Variants in PFKM observed in about 807,000 individuals in gnomAD.
The protein encoded by PFKM is phosphofructokinase, muscle, also known as ATP-dependent 6-phosphofructokinase, muscle type.
PFKM carries 58 observed loss-of-function variants against 95.5 expected under a neutral mutation model. The ratio of observed to expected loss-of-function variants is 0.61; its 90% CI spans 0.49 to 0.76. PFKM has a LOEUF of 0.76. PFKM is among the 30% of genes least tolerant of loss of function. The pLI is 0.00. For missense variants in PFKM, 678 were observed against 1,005.4 expected (o/e 0.67, Z 4.40); for synonymous variants, 336 against 357.2 (o/e 0.94, Z 0.67).
chr12:48,134,222 T>C lies in PFKM; in HGVS notation c.594-10T>C, dbSNP rs1250322573. 6.2e-7 allele frequency: 1 copy of C among 1,613,016 alleles called. No individual in the cohort carries two copies. The highest frequency in any genetic ancestry group is 1.3e-5 in the African/African-American group (1 of 74,894). ...TCACTTGGACTGTGTCATATGTCTA[T>C]CTCTTGCAGCCACCAGAGGACATTT... On this transcript the variant is annotated splice_polypyrimidine_tract_variant and intron_variant, in intron 6 of 22. Coordinates refer to ENST00000359794, the MANE Select transcript of PFKM (RefSeq NM_000289.6).
intron 7 of PFKM, 136 bp from the exon 8 acceptor site, chr12:48,134,585 T>A: frequency 1.3e-6 from 1 of 768,684 alleles, no homozygotes; most frequent in Admixed American, 2.0e-5. Context: ...CCGGTGCTCT[T>A]ACCCTTGCCC....
At chr12:48,141,138 T>G (rs529920097) in intron 14 of PFKM, among the ~76,000 whole-genome samples, 173 bp from the exon 15 acceptor site, 1 of 152,334 alleles carries the variant, frequency 6.6e-6, no homozygotes, top group South Asian at 2.1e-4. Flanking sequence ...TATTTGTGAA[T>G]GAGCAGTAAG....
intron 1 of PFKM, among the ~76,000 whole-genome samples, chr12:48,121,819 G>A (rs1948312425): frequency 6.6e-6 from 1 of 152,096 alleles, no homozygotes; most frequent in African/African-American, 2.4e-5. Flanking sequence ...AGAATAATAG[G>A]ATTTAGTTAC....
chr12:48,122,783 T>C lies in PFKM; in HGVS notation c.9T>C (p.His3=). 6.2e-7 allele frequency: 1 copy of C among 1,614,098 alleles called. No individual in the cohort carries two copies. Among genetic ancestry groups the C allele is most frequent in the Non-Finnish European group, 8.5e-7 (1 of 1,179,942 alleles). Residue 3 remains histidine, a synonymous_variant, in exon 2 of 23, where the codon CAT becomes CAC. Coordinates refer to ENST00000359794, the MANE Select transcript of PFKM (RefSeq NM_000289.6). Reference sequence around the variant, plus strand: ...AAATTCTAGAGTGGATCATGACCCATGAAGAGCACCATGCAGCCAAAACCC... The same window carrying C: ...AAATTCTAGAGTGGATCATGACCCACGAAGAGCACCATGCAGCCAAAACCC... MT[H]EEHHAAKTLG...
At chr12:48,140,054 C>T (rs560580997) in intron 13 of PFKM, 142 bp downstream of exon 13, 181 of 662,778 alleles carry the variant, frequency 2.7e-4, no homozygotes, top group African/African-American at 2.5e-3. Flanking sequence ...GTCCCTGGCC[C>T]TATTATAATG....
In PFKM at chr12:48,145,906, GA is replaced by G. The variant is rs1372582541; in HGVS notation, c.*199del. 1 of 600,584 alleles carries G rather than the reference GA, an allele frequency of 1.7e-6. No homozygotes were observed. Among genetic ancestry groups the G allele is most frequent in the Non-Finnish European group, 3.0e-6 (1 of 337,634 alleles). 37.2% of individuals were successfully genotyped at this position (600,584 alleles called of 1,614,324 possible). ...GCTCCTTTTAGGTAGAATTTAACAT[GA>G]CTTCTGCCCCAGCTTTATCTGTCAC... On this transcript the variant is annotated 3_prime_UTR_variant, in exon 23 of 23. Coordinates refer to ENST00000359794, the MANE Select transcript of PFKM (RefSeq NM_000289.6). This position sits in a 1 kb window ranked among gnomAD's most constrained non-coding sequence, Gnocchi z 4.3.
intron 2 of PFKM, among the ~76,000 whole-genome samples, chr12:48,125,076 C>T (rs1390081469): frequency 6.6e-6 from 1 of 152,100 alleles, no homozygotes; most frequent in African/African-American, 2.4e-5. Flanking sequence ...GAAAAATGGC[C>T]AGGAATCAGA....
chr12:48,121,533 CTT>C (rs1948267431), intron 1 of PFKM, among the ~76,000 whole-genome samples: 4 of 152,060 alleles, frequency 2.6e-5, no homozygotes, highest in Admixed American at 2.6e-4. Context: ...GTTTATGTGA[CTT>C]ATGTCTCTAT....
upstream of PFKM, among the ~76,000 whole-genome samples, chr12:48,114,780 A>T (rs1192504194): frequency 6.6e-6 from 1 of 152,202 alleles, no homozygotes; most frequent in Non-Finnish European, 1.5e-5. Flanking sequence ...AACAAAAATT[A>T]TCTAGGTCTC....
At chr12:48,114,933 G>C (rs773732947), upstream of PFKM, among the ~76,000 whole-genome samples, 4 of 152,190 alleles carry the variant, frequency 2.6e-5, no homozygotes, top group Non-Finnish European at 5.9e-5. Context: ...TTAAGTTCTT[G>C]AGAACACAGG....
rs748619372 is a variant in PFKM, at chr12:48,141,938, A to T, written c.1525A>T (p.Met509Leu). 6.2e-7 allele frequency: 1 copy of T among 1,613,886 alleles called. No homozygotes were observed. The highest frequency in any genetic ancestry group is 1.7e-5 in the Admixed American group (1 of 59,988). ...GGCTTACACAGGGGGCCTGGAACTG[A>T]TGGAGGGCAGGAAGCAGTTTGATGA... Reference protein sequence around the residue: ...FEAYTGGLELMEGRKQFDELC... With the variant: ...FEAYTGGLELLEGRKQFDELC... Residue 509 changes from methionine to leucine, a missense_variant, in exon 17 of 23, where the codon ATG becomes TTG. Transcript: ENST00000359794.
chr12:48,120,451 G>A (rs1056029911), intron 1 of PFKM, among the ~76,000 whole-genome samples: 10 of 152,148 alleles, frequency 6.6e-5, no homozygotes, highest in African/African-American at 2.4e-5. Context: ...TTTTAAAAAT[G>A]ATCATGATCC....
chr12:48,126,557 T>A (rs1403051991), intron 2 of PFKM, among the ~76,000 whole-genome samples: 1 of 152,198 alleles, frequency 6.6e-6, no homozygotes, highest in Non-Finnish European at 1.5e-5. Context: ...CTGCCCACCA[T>A]CTGTTGTTTG....
At position 48,145,548 on chromosome 12, in the gene PFKM, C is replaced by T. The variant is rs780583794; in HGVS notation, c.2199-16C>T. On this transcript the variant is annotated splice_polypyrimidine_tract_variant and intron_variant, in intron 22 of 22. Coordinates refer to ENST00000359794, the MANE Select transcript of PFKM (RefSeq NM_000289.6). The surrounding 1 kb of genome is among the most constrained non-coding windows in gnomAD (Gnocchi z 4.3). ...TGCTAAAAGATTATATCATCATCTA[C>T]CTCATTCCTCTGTAGGCATCGAATC... The T allele has an allele frequency of 6.2e-6, 10 of 1,613,944 alleles. No homozygotes were observed. The highest frequency in any genetic ancestry group is 8.5e-6 in the Non-Finnish European group (10 of 1,179,850).
At position 48,135,297 on chromosome 12, in the gene PFKM, G is replaced by T; in HGVS notation, c.850G>T (p.Val284Phe). 1 of 1,613,828 alleles carries T rather than the reference G, an allele frequency of 6.2e-7. No homozygotes were observed. The highest frequency in any genetic ancestry group is 1.1e-5 in the South Asian group (1 of 91,068). Residue 284 changes from valine (V) to phenylalanine (F), a missense_variant, in exon 10 of 23, where the codon GTT (valine) becomes TTT (phenylalanine). Coordinates refer to ENST00000359794, the MANE Select transcript of PFKM (RefSeq NM_000289.6). ...CCTCTGTTGGTCCCTTCAGCTGGTG[G>T]TTAAGCGTCTGGGATATGACACCCG... is the stretch of plus-strand genomic sequence containing the variant. Reference protein sequence around the residue: ...ITSEDIKNLVVKRLGYDTRVT... With the variant: ...ITSEDIKNLVFKRLGYDTRVT...
intron 2 of PFKM, among the ~76,000 whole-genome samples, chr12:48,130,128 T>C (rs567956020): frequency 1.1e-4 from 17 of 152,246 alleles, no homozygotes; most frequent in African/African-American, 3.1e-4. Flanking sequence ...AGGCAGGATT[T>C]TGGGGGGGCT....
intron 4 of PFKM, 75 bp from the exon 5 acceptor site, chr12:48,132,793 C>A: frequency 7.9e-7 from 1 of 1,269,650 alleles, no homozygotes; most frequent in Non-Finnish European, 1.1e-6. Context: ...GTTAGGCCAT[C>A]ACAGCATTGG....
rs756191815 is a variant in PFKM at position 48,142,056 on chromosome 12, C to G, written c.1643C>G (p.Thr548Ser). 6.2e-7 allele frequency: 1 copy of G among 1,614,122 alleles called. No individual in the cohort carries two copies. The highest frequency in any genetic ancestry group is 8.5e-7 in the Non-Finnish European group (1 of 1,179,936). ...GTTGGGGCTGACACAGCACTCAATA[C>G]TATCTGCACAGTGAGAGCCTATCAC... Reference protein sequence around the residue: ...FSVGADTALNTICTTCDRIKQ... With the variant: ...FSVGADTALNSICTTCDRIKQ... The change falls in exon 17 of 23, where the codon ACT becomes AGT. Residue 548 changes from threonine to serine, a missense_variant. By Grantham distance (58) the Thr-to-Ser change is moderately conservative. Coordinates refer to ENST00000359794, the MANE Select transcript of PFKM (RefSeq NM_000289.6).
chr12:48,125,281 G>C (rs974263914), intron 2 of PFKM: 1 of 440,396 alleles, frequency 2.3e-6, no homozygotes, highest in African/African-American at 2.1e-5. Flanking sequence ...CAGATAGCCA[G>C]CCATTACAAA....
Sources: allele counts gnomAD v4.1 joint callset (sites outside exome capture counted in the v4.1 genomes callset), GRCh38; gene constraint gnomAD v4.1.1; non-coding constraint Gnocchi (gnomAD v3.1); transcripts MANE v1.5; gene names NCBI Gene and HGNC (gene_info 2026-07-23, HGNC 2026-07-21).